The following ADAM19 variants were observed in gnomAD, a reference collection of about 807,000 sequenced individuals.
The protein encoded by ADAM19 is ADAM metallopeptidase domain 19.
ADAM19 carries 65 observed loss-of-function variants against 114.7 expected under a neutral mutation model. The ratio of observed to expected loss-of-function variants is 0.57; its 90% CI spans 0.46 to 0.70. The LOEUF (loss-of-function observed/expected upper bound fraction) is 0.70, where lower values mean the gene tolerates loss of function less well. Among genes scored for constraint, ADAM19 ranks in the 30% least tolerant of loss-of-function variants. ADAM19 has a pLI of 0.00. For missense variants in ADAM19, 1,063 were observed against 1,204.7 expected (o/e 0.88, Z 1.74); for synonymous variants, 466 against 460.5 (o/e 1.01, Z -0.15).
intron 4 of ADAM19, among the ~76,000 whole-genome samples, chr5:157,532,270 G>A (rs1756647064): frequency 6.6e-6 from 1 of 152,220 alleles, no homozygotes; most frequent in Non-Finnish European, 1.5e-5. Context: ...CACAGCTTCA[G>A]CCTTCGTGGG....
rs374176490 is a variant in ADAM19, at chr5:157,537,961, G to C, written c.282C>G (p.Thr94=). The C allele has an allele frequency of 8.7e-6, 14 of 1,613,850 alleles. No individual in the cohort carries two copies. The highest frequency in any genetic ancestry group is 1.1e-5 in the Non-Finnish European group (13 of 1,179,970). ...GAGGGTTACCACTTGAAGTATAATG[G>C]GTTTCTGTGTAGGAAGGAGCAAAAA... ...EQLFAPSYTE[T]HYTSSGNPQT... Residue 94 remains threonine (T), a synonymous_variant, in exon 4 of 23, where the codon ACC becomes ACG. Transcript: ENST00000257527.
chr5:157,481,777 T>G lies in ADAM19; in HGVS notation c.2703+14A>C. On this transcript the variant is annotated intron_variant, in intron 22 of 22. Transcript: ENST00000257527. ...GGTACCAGCTTTCACCTTGAGGGCTTCCCGTGGACTCACCTTTGGGGCAAG... is the reference window on the plus strand; with the variant it reads ...GGTACCAGCTTTCACCTTGAGGGCTGCCCGTGGACTCACCTTTGGGGCAAG... The G allele has an allele frequency of 6.4e-7, 1 of 1,564,132 alleles. No homozygotes were observed. Among genetic ancestry groups the G allele is most frequent in the South Asian group, 1.2e-5 (1 of 85,180 alleles).
At chr5:157,509,205 AC>A in intron 9 of ADAM19, 95 bp downstream of exon 9, 1 of 1,341,038 alleles carries the variant, frequency 7.5e-7, no homozygotes, top group Non-Finnish European at 1.0e-6. Flanking sequence ...GCCTTGTACA[AC>A]CAACACTCGC....
In ADAM19 at chr5:157,509,438, A is replaced by G. The variant is rs1286145123; in HGVS notation, c.768T>C (p.Ala256=). 7 of 1,608,170 alleles carry G rather than the reference A, an allele frequency of 4.4e-6. No individual in the cohort carries two copies. The highest frequency in any genetic ancestry group is 5.9e-6 in the Non-Finnish European group (7 of 1,176,778). The change falls in exon 9 of 23, where the codon GCT becomes GCC. Residue 256 remains alanine, a synonymous_variant. Coordinates refer to ENST00000257527, the MANE Select transcript of ADAM19 (RefSeq NM_033274.5). ...GGGTCCACACTTCCAAGCCCACGAG[A>G]GCAATCCGGATGTTCAAGGATCGGT... ...KFYRSLNIRI[A]LVGLEVWTHG...
chr5:157,505,522 CAA>C, intron 11 of ADAM19, 145 bp downstream of exon 11: 1 of 917,054 alleles, frequency 1.1e-6, no homozygotes, highest in Non-Finnish European at 1.6e-6. Context: ...GGTCTTCTCT[CAA>C]TTTCTTTGTT....
rs12519121 is a variant in ADAM19, at chr5:157,564,600, T to C, written c.181-157A>G. On this transcript the variant is annotated intron_variant, in intron 2 of 22. Transcript: ENST00000257527. ...CAGCCCACATGTAAAATGACCTCAA[T>C]CCCAGAATGACCCAAATCCTTCCCC... is the stretch of plus-strand genomic sequence containing the variant. 3.1e-3 allele frequency among the ~76,000 whole-genome samples: 473 copies of C among 152,258 alleles called. 4 individuals carry two copies. The highest frequency in any genetic ancestry group is 0.011 in the African/African-American group (440 of 41,536).
intron 2 of ADAM19, chr5:157,568,528 C>T (rs1001267020): frequency 6.6e-6 from 1 of 152,182 alleles, no homozygotes; most frequent in African/African-American, 2.4e-5. Context: ...GTACAGTAAG[C>T]TGACCCACTA....
chr5:157,524,151 G>A (rs184306171), intron 5 of ADAM19, among the ~76,000 whole-genome samples: 172 of 152,304 alleles, frequency 1.1e-3, no homozygotes, highest in African/African-American at 3.9e-3. Context: ...GGCTGTCCCC[G>A]CCCTCAACCC....
rs1756226201 is a variant in ADAM19 at position 157,519,894 on chromosome 5, G to A, written c.545C>T (p.Thr182Ile). 1.9e-6 allele frequency: 3 copies of A among 1,613,988 alleles called. No individual in the cohort carries two copies. The highest frequency in any genetic ancestry group is 2.5e-6 in the Non-Finnish European group (3 of 1,180,022). Residue 182 changes from threonine (T) to isoleucine (I), a missense_variant, in exon 6 of 23, where the codon ACC becomes ATC. By Grantham distance (89) the Thr-to-Ile change is moderately conservative. This residue lies in a region of ADAM19 where 615 missense variants were observed against 706.3 expected (regional missense o/e 0.87). Coordinates refer to ENST00000257527, the MANE Select transcript of ADAM19 (RefSeq NM_033274.5). ...GNCGFEHSKPTTRDWALQFTQ... is the reference protein window; with the variant it reads ...GNCGFEHSKPITRDWALQFTQ... ...AAACTGAAGAGCCCAGTCCCTGGTG[G>A]TGGGCTTGGAGTGCTCGAACCCACA...
At chr5:157,497,227 CATT>C in intron 13 of ADAM19, 138 bp from the exon 14 acceptor site, 1 of 747,106 alleles carries the variant, frequency 1.3e-6, no homozygotes, top group Non-Finnish European at 2.0e-6. Context: ...TACATGACCT[CATT>C]AGCCCAAACC....
chr5:157,514,476 G>A (rs1392035966), intron 7 of ADAM19, among the ~76,000 whole-genome samples: 2 of 151,948 alleles, frequency 1.3e-5, no homozygotes, highest in Non-Finnish European at 1.5e-5. Flanking sequence ...ACAGGTGCTC[G>A]CCACCATGGC....
rs1754660769 is a variant in ADAM19 at position 157,478,484 on chromosome 5, A to G, written c.*2465T>C. 14 of 824,498 alleles carry G rather than the reference A, an allele frequency of 1.7e-5. No individual in the cohort carries two copies. Among genetic ancestry groups the G allele is most frequent in the Non-Finnish European group, 2.0e-5 (14 of 683,564 alleles). The allele number at this position is 824,498 out of a possible 1,614,324, so 51.1% of individuals were successfully genotyped here. ...AAGGCCCCTTCCTCTCCCTTTTGCAATATTCCCTTTCCCCTTCTGCAATCG... is the reference window on the plus strand; with the variant it reads ...AAGGCCCCTTCCTCTCCCTTTTGCAGTATTCCCTTTCCCCTTCTGCAATCG... On this transcript the variant is annotated 3_prime_UTR_variant, in exon 23 of 23. Coordinates refer to ENST00000257527, the MANE Select transcript of ADAM19 (RefSeq NM_033274.5).
chr5:157,528,411 A>C (rs1165717444), intron 5 of ADAM19, among the ~76,000 whole-genome samples: 2 of 152,256 alleles, frequency 1.3e-5, no homozygotes, highest in African/African-American at 4.8e-5. Context: ...AGAGGCAGAC[A>C]GAAGCAGGTC....
chr5:157,527,990 C>T (rs1756520840), intron 5 of ADAM19, among the ~76,000 whole-genome samples: 2 of 152,086 alleles, frequency 1.3e-5, no homozygotes, highest in Admixed American at 1.3e-4. Context: ...GATAGAAATC[C>T]TACCTATTTC....
chr5:157,551,066 C>T (rs981852075), intron 3 of ADAM19, among the ~76,000 whole-genome samples: 1 of 152,124 alleles, frequency 6.6e-6, no homozygotes, highest in Non-Finnish European at 1.5e-5. Flanking sequence ...GCCCCTATCT[C>T]TCATTGTATA....
chr5:157,481,105 C>T, intron 22 of ADAM19, 103 bp from the exon 23 acceptor site: 1 of 1,464,664 alleles, frequency 6.8e-7, no homozygotes, highest in Non-Finnish European at 9.4e-7. Flanking sequence ...GGATGGACCA[C>T]CCACTGAGAA....
At chr5:157,498,733 T>C (rs957316648) in intron 13 of ADAM19, among the ~76,000 whole-genome samples, 1 of 150,654 alleles carries the variant, frequency 6.6e-6, no homozygotes, top group Admixed American at 6.6e-5. Context: ...ATTACATATG[T>C]CCGCATATAT....
chr5:157,482,635 C>T (rs1302041712), intron 21 of ADAM19, among the ~76,000 whole-genome samples: 1 of 152,106 alleles, frequency 6.6e-6, no homozygotes, highest in Admixed American at 6.5e-5. Flanking sequence ...AGACAGTTTT[C>T]CCAGCACCAT....
chr5:157,508,488 T>C (rs909333677), intron 9 of ADAM19, among the ~76,000 whole-genome samples: 2 of 151,912 alleles, frequency 1.3e-5, no homozygotes, highest in Admixed American at 1.3e-4. Context: ...GCATGCCTGC[T>C]ACTTGGGAGG....
Sources: allele counts gnomAD v4.1 joint callset (sites outside exome capture counted in the v4.1 genomes callset), GRCh38; gene constraint gnomAD v4.1.1; regional missense constraint gnomAD v4.1.1; transcripts MANE v1.5; gene names NCBI Gene and HGNC (gene_info 2026-07-23, HGNC 2026-07-21).